Variants in KCTD8 observed in about 807,000 individuals in gnomAD.
The protein encoded by KCTD8 is BTB/POZ domain-containing protein KCTD8.
In KCTD8, 27 loss-of-function variants were observed where a neutral mutation model predicts 31.5. The observed-to-expected ratio is 0.86, with a 90% CI of 0.63 to 1.18. KCTD8 has a LOEUF of 1.18. Among genes scored for constraint, KCTD8 ranks in the 50% most tolerant of loss-of-function variants. The probability of loss-of-function intolerance (pLI) is 0.00; values close to 1 mark genes in which losing one functional copy is unlikely to be tolerated. For missense variants in KCTD8, 658 were observed against 647.7 expected (o/e 1.02, Z -0.17); for synonymous variants, 290 against 280.0 (o/e 1.04, Z -0.36).
chr4:44,185,963 G>T (rs1047058651), intron 1 of KCTD8, among the ~76,000 whole-genome samples: 10 of 152,106 alleles, frequency 6.6e-5, no homozygotes, highest in Admixed American at 6.5e-4. Context: ...AAAAGGGCGG[G>T]GTCCCTGGCG....
chr4:44,417,064 C>T (rs193137052), intron 1 of KCTD8, among the ~76,000 whole-genome samples: 8 of 152,252 alleles, frequency 5.3e-5, no homozygotes, highest in African/African-American at 1.9e-4. Context: ...AGTTAAGTAA[C>T]TTGTTCAAGG....
intron 1 of KCTD8, among the ~76,000 whole-genome samples, chr4:44,377,051 A>G (rs1560439692): frequency 6.6e-6 from 1 of 152,188 alleles, no homozygotes; most frequent in East Asian, 1.9e-4. Flanking sequence ...TAAGTATTTA[A>G]AAGGTATAAA....
chr4:44,235,137 C>T (rs376048295), intron 1 of KCTD8, among the ~76,000 whole-genome samples: 19 of 149,924 alleles, frequency 1.3e-4, no homozygotes, highest in African/African-American at 4.4e-4. Context: ...TGATTATACA[C>T]TAGTAATAGT....
intron 1 of KCTD8, among the ~76,000 whole-genome samples, chr4:44,235,798 C>G (rs765519273): frequency 1.3e-5 from 2 of 151,654 alleles, no homozygotes; most frequent in Non-Finnish European, 2.9e-5. Flanking sequence ...CAATCTTCCC[C>G]CAAACATACT....
intron 1 of KCTD8, among the ~76,000 whole-genome samples, chr4:44,375,950 ACTC>A (rs979338345): frequency 6.7e-6 from 1 of 148,496 alleles, no homozygotes; most frequent in Non-Finnish European, 1.5e-5. Flanking sequence ...CTCTCTCTCT[ACTC>A]CTTACTCATT....
chr4:44,376,858 A>C (rs1160228677), intron 1 of KCTD8, among the ~76,000 whole-genome samples: 1 of 152,178 alleles, frequency 6.6e-6, no homozygotes, highest in African/African-American at 2.4e-5. Context: ...CCTTCCTGGC[A>C]AAGGAGGTAA....
intron 1 of KCTD8, among the ~76,000 whole-genome samples, chr4:44,328,946 C>T (rs187270004): frequency 1.3e-5 from 2 of 151,780 alleles, no homozygotes; most frequent in Non-Finnish European, 2.9e-5. Flanking sequence ...GGTGTCCAAC[C>T]GTGCAAGATA....
At chr4:44,436,913 A>C (rs1297581295) in intron 1 of KCTD8, among the ~76,000 whole-genome samples, 1 of 152,138 alleles carries the variant, frequency 6.6e-6, no homozygotes, top group Non-Finnish European at 1.5e-5. Context: ...CTTCCTCCAA[A>C]ACCATTAATT....
At chr4:44,317,228 CTTTTTTT>C (rs760060899) in intron 1 of KCTD8, among the ~76,000 whole-genome samples, 1 of 36,536 alleles carries the variant, frequency 2.7e-5, no homozygotes, top group Admixed American at 4.9e-4. Context: ...TGGGTGCTTT[CTTTTTTT>C]TTTTTTTTTT....
intron 1 of KCTD8, among the ~76,000 whole-genome samples, chr4:44,382,356 C>A (rs1360575945): frequency 6.6e-6 from 1 of 151,978 alleles, no homozygotes; most frequent in South Asian, 2.1e-4. Context: ...TACATCAATA[C>A]AATAAAGGCC....
At chr4:44,445,306 C>A (rs369962918) in intron 1 of KCTD8, among the ~76,000 whole-genome samples, 3 of 152,128 alleles carry the variant, frequency 2.0e-5, no homozygotes, top group Non-Finnish European at 4.4e-5. Context: ...GGTTGATCAA[C>A]GACTAGCTTA....
chr4:44,203,792 C>G (rs189359386), intron 1 of KCTD8, among the ~76,000 whole-genome samples: 2 of 150,780 alleles, frequency 1.3e-5, no homozygotes, highest in Admixed American at 1.3e-4. Flanking sequence ...AAAATGAGAA[C>G]GATATAATAT....
chr4:44,381,992 A>G (rs149971070), intron 1 of KCTD8, among the ~76,000 whole-genome samples: 1 of 152,274 alleles, frequency 6.6e-6, no homozygotes, highest in Non-Finnish European at 1.5e-5. Flanking sequence ...GTCATTGTAT[A>G]ATGATAAAGG....
chr4:44,394,283 GT>G, intron 1 of KCTD8, among the ~76,000 whole-genome samples: 1 of 152,056 alleles, frequency 6.6e-6, no homozygotes, highest in Middle Eastern at 3.4e-3. Flanking sequence ...AAGAAATACA[GT>G]TTCTAAAAAT....
At chr4:44,255,347 C>A (rs186312857) in intron 1 of KCTD8, among the ~76,000 whole-genome samples, 1 of 151,982 alleles carries the variant, frequency 6.6e-6, no homozygotes. Flanking sequence ...AATATCATGT[C>A]TCAATATAGT....
At chr4:44,357,952 G>C (rs1218266855) in intron 1 of KCTD8, among the ~76,000 whole-genome samples, 1 of 151,784 alleles carries the variant, frequency 6.6e-6, no homozygotes, top group Admixed American at 6.6e-5. Flanking sequence ...AGAAAGTTCA[G>C]ATTTGTTACA....
chr4:44,440,027 G>GTTCAAGCAATTCTCCTGCC (rs1721779650), intron 1 of KCTD8, among the ~76,000 whole-genome samples: 1 of 151,872 alleles, frequency 6.6e-6, no homozygotes, highest in Admixed American at 6.6e-5. Context: ...TGCCTCCTGG[G>GTTCAAGCAATTCTCCTGCC]TTCAAGCAAT....
At chr4:44,422,530 T>G (rs1330900602) in intron 1 of KCTD8, among the ~76,000 whole-genome samples, 3 of 152,120 alleles carry the variant, frequency 2.0e-5, no homozygotes, top group Non-Finnish European at 4.4e-5. Flanking sequence ...GCTAATAATT[T>G]TATTAATATA....
chr4:44,440,854 T>A (rs749077268), intron 1 of KCTD8, among the ~76,000 whole-genome samples: 41 of 152,260 alleles, frequency 2.7e-4, no homozygotes, highest in Non-Finnish European at 4.7e-4. Context: ...GTGTGAAGGA[T>A]TCTACAGCAG....
Sources: gnomAD v4.1 joint callset for allele counts (sites outside exome capture counted in the v4.1 genomes callset) on GRCh38, gnomAD v4.1.1 for gene constraint, MANE v1.5 for transcripts, NCBI Gene and HGNC (gene_info 2026-07-23, HGNC 2026-07-21) for gene names.